Variants in MAP4 observed in about 807,000 individuals in gnomAD.
MAP4 encodes the protein microtubule associated protein 4, also known as microtubule-associated protein 4.
Under a neutral mutation model 170.2 loss-of-function variants are expected in MAP4, and 76 were observed. The ratio of observed to expected loss-of-function variants is 0.45; its 90% CI spans 0.37 to 0.54. The LOEUF is 0.54. MAP4 is among the 20% of genes least tolerant of loss of function. MAP4 has a pLI of 0.00. For missense variants in MAP4, 2,506 were observed against 2,748.0 expected (o/e 0.91, Z 1.97); for synonymous variants, 909 against 994.5 (o/e 0.91, Z 1.62).
chr3:48,060,605 A>G (rs894527495), intron 1 of MAP4, among the ~76,000 whole-genome samples: 7 of 152,124 alleles, frequency 4.6e-5, no homozygotes, highest in African/African-American at 1.7e-4. Context: ...CATCTCTGAC[A>G]AAGAACTGGT....
At chr3:47,918,687 TTAAC>T (rs2100041058) in intron 6 of MAP4, 28 bp downstream of exon 6, 1 of 1,561,686 alleles carries the variant, frequency 6.4e-7, no homozygotes, top group Admixed American at 1.7e-5. Context: ...ACTGCAACCA[TTAAC>T]TGATAAAGGG....
intron 18 of MAP4, among the ~76,000 whole-genome samples, chr3:47,856,719 G>A (rs889678061): frequency 2.0e-5 from 3 of 152,218 alleles, no homozygotes; most frequent in Non-Finnish European, 2.9e-5. Flanking sequence ...GAGACACCGC[G>A]CCCGCCCTGA....
At chr3:47,861,859 A>AAAAACAAAAC (rs538971836) in intron 17 of MAP4, among the ~76,000 whole-genome samples, 1 of 143,862 alleles carries the variant, frequency 7.0e-6, no homozygotes, top group Non-Finnish European at 1.5e-5. Context: ...ACTTTGTCTC[A>AAAAACAAAAC]AAAACAAAAC....
At chr3:47,954,043 C>T (rs2100066244) in intron 3 of MAP4, among the ~76,000 whole-genome samples, 1 of 151,210 alleles carries the variant, frequency 6.6e-6, no homozygotes. Context: ...CAAACAACAA[C>T]AAAAAAAGAA....
chr3:47,959,871 A>T (rs1322053688), intron 3 of MAP4, among the ~76,000 whole-genome samples: 3 of 150,002 alleles, frequency 2.0e-5, no homozygotes, highest in Non-Finnish European at 3.0e-5. Context: ...GGCCATTTTT[A>T]TTTTTTTTTG....
intron 1 of MAP4, among the ~76,000 whole-genome samples, chr3:48,072,816 C>A (rs957548600): frequency 6.6e-6 from 1 of 152,166 alleles, no homozygotes; most frequent in Non-Finnish European, 1.5e-5. Context: ...TCCGCTAAGT[C>A]CCACTACTGT....
At chr3:48,034,899 G>A (rs1227616295) in intron 1 of MAP4, among the ~76,000 whole-genome samples, 6 of 152,006 alleles carry the variant, frequency 3.9e-5, no homozygotes, top group Admixed American at 3.9e-4. Flanking sequence ...TGTAATCCCA[G>A]CTCCTTGGGA....
chr3:48,012,784 G>C (rs559493422), intron 1 of MAP4, among the ~76,000 whole-genome samples: 1 of 152,250 alleles, frequency 6.6e-6, no homozygotes, highest in East Asian at 1.9e-4. Flanking sequence ...TGGAAAGTGG[G>C]AAGGTCATGA....
intron 17 of MAP4, among the ~76,000 whole-genome samples, chr3:47,864,209 G>A (rs2075151061): frequency 6.6e-6 from 1 of 152,120 alleles, no homozygotes; most frequent in African/African-American, 2.4e-5. Flanking sequence ...TCCTGCCTGG[G>A]CCTCCCAGGG....
At chr3:47,889,255 G>A (rs1385807839) in intron 10 of MAP4, among the ~76,000 whole-genome samples, 1 of 152,216 alleles carries the variant, frequency 6.6e-6, no homozygotes, top group African/African-American at 2.4e-5. Context: ...TTCCTCCATT[G>A]TTCTTTTACC....
chr3:48,070,591 G>A (rs987328740), intron 1 of MAP4, among the ~76,000 whole-genome samples: 17 of 151,692 alleles, frequency 1.1e-4, no homozygotes, highest in African/African-American at 3.9e-4. Flanking sequence ...CGAAGTGCTG[G>A]GATTCCAGGT....
At chr3:48,010,843 C>A (rs113373148) in intron 1 of MAP4, among the ~76,000 whole-genome samples, 1 of 152,144 alleles carries the variant, frequency 6.6e-6, no homozygotes, top group African/African-American at 2.4e-5. Flanking sequence ...ATCTTTCTCC[C>A]GTGCTGGATG....
At chr3:47,887,963 G>A (rs909716018) in intron 10 of MAP4, among the ~76,000 whole-genome samples, 10 of 150,458 alleles carry the variant, frequency 6.6e-5, no homozygotes, top group African/African-American at 2.5e-4. Context: ...GCTCTGGTGG[G>A]GCCTTGGAGA....
intron 3 of MAP4, among the ~76,000 whole-genome samples, chr3:47,961,503 T>A (rs963837488): frequency 2.6e-5 from 4 of 152,100 alleles, no homozygotes; most frequent in African/African-American, 9.7e-5. Flanking sequence ...ATATGGGAGC[T>A]CAAATGTGTG....
At chr3:48,049,747 A>G (rs2100126587) in intron 1 of MAP4, among the ~76,000 whole-genome samples, 1 of 152,102 alleles carries the variant, frequency 6.6e-6, no homozygotes, top group Non-Finnish European at 1.5e-5. Context: ...CCTGGCCAAC[A>G]TAGTGAAACC....
chr3:48,073,338 C>T (rs902653588), intron 1 of MAP4, among the ~76,000 whole-genome samples: 1 of 150,664 alleles, frequency 6.6e-6, no homozygotes, highest in Non-Finnish European at 1.5e-5. Context: ...CAGCCGGGTG[C>T]GGTGGCTCAC....
At chr3:48,070,813 G>A (rs2100140586) in intron 1 of MAP4, among the ~76,000 whole-genome samples, 1 of 150,638 alleles carries the variant, frequency 6.6e-6, no homozygotes, top group African/African-American at 2.4e-5. Flanking sequence ...ACCAGCCTGG[G>A]CAACATAGTG....
intron 3 of MAP4, chr3:47,960,241 TC>T (rs1478751400): frequency 5.3e-6 from 1 of 187,268 alleles, no homozygotes; most frequent in Non-Finnish European, 1.2e-5. Context: ...GTTTTGTTTT[TC>T]TTTTTTCATC....
At chr3:48,031,974 C>A (rs1450724273) in intron 1 of MAP4, among the ~76,000 whole-genome samples, 2 of 152,056 alleles carry the variant, frequency 1.3e-5, no homozygotes, top group Non-Finnish European at 2.9e-5. Context: ...ATAAGAGTGG[C>A]ACTTTACCTC....
Sources: gnomAD v4.1 joint callset for allele counts (sites outside exome capture counted in the v4.1 genomes callset) on GRCh38, gnomAD v4.1.1 for gene constraint, MANE v1.5 for transcripts, NCBI Gene and HGNC (gene_info 2026-07-23, HGNC 2026-07-21) for gene names.